Variants in CCNF observed in about 807,000 individuals in gnomAD.
CCNF encodes cyclin-F.
Under a neutral mutation model 85.4 loss-of-function variants are expected in CCNF, and 30 were observed. The observed-to-expected ratio is 0.35, with a 90% CI of 0.26 to 0.48. The LOEUF (loss-of-function observed/expected upper bound fraction) is 0.48, where lower values mean the gene tolerates loss of function less well. CCNF is among the 20% of genes least tolerant of loss of function. The pLI is 0.99. For synonymous variants in CCNF, 439 were observed against 425.1 expected (o/e 1.03, Z -0.40); for missense variants, 919 against 1,010.4 (o/e 0.91, Z 1.23).
chr16:2,438,815 G>T (rs2065305707), intron 6 of CCNF, among the ~76,000 whole-genome samples: 1 of 151,452 alleles, frequency 6.6e-6, no homozygotes, highest in South Asian at 2.1e-4. Flanking sequence ...TGGCCAATGT[G>T]TTGAAACCAC....
intron 3 of CCNF, among the ~76,000 whole-genome samples, 161 bp downstream of exon 3, chr16:2,433,228 C>T (rs1005098140): frequency 6.6e-6 from 1 of 152,198 alleles, no homozygotes; most frequent in Non-Finnish European, 1.5e-5. Flanking sequence ...AGACCTCACG[C>T]ATCAGGCCGC....
Position 2,452,579 on chromosome 16 carries a change from T to C in CCNF, c.1488-631T>C, listed in dbSNP as rs1370779436. 1 of 152,438 alleles carries C rather than the reference T, an allele frequency of 6.6e-6. No individual in the cohort carries two copies. The highest frequency in any genetic ancestry group is 6.5e-5 in the Admixed American group (1 of 15,302). 9.4% of individuals were successfully genotyped at this position (152,438 alleles called of 1,614,324 possible). ...ATTTAGAAACTACACTTCCTTTGAT[T>C]GTGTGATTTAACGGGCTTTTATTCA... On this transcript the variant is annotated intron_variant, in intron 13 of 16. Coordinates refer to ENST00000397066, the MANE Select transcript of CCNF (RefSeq NM_001761.3). The surrounding 1 kb of genome is among the most constrained non-coding windows in gnomAD (Gnocchi z 4.1).
rs536237460 is a variant in CCNF at position 2,438,403 on chromosome 16, C to G, written c.594+280C>G. Among the ~76,000 whole-genome samples the G allele has an allele frequency of 2.0e-5, 3 of 152,276 alleles. No individual in the cohort carries two copies. The South Asian group carries it at 6.2e-4, about 32-fold the overall frequency. On this transcript the variant is annotated intron_variant, in intron 6 of 16. Transcript: ENST00000397066. ...ACCTCGATGCTCACTCGTCTGCTGGCCCTGCTCCTCGTGGGCCTCTCCTGC... is the reference window on the plus strand; with the variant it reads ...ACCTCGATGCTCACTCGTCTGCTGGGCCTGCTCCTCGTGGGCCTCTCCTGC...
chr16:2,454,919 G>GT, intron 15 of CCNF, among the ~76,000 whole-genome samples: 1 of 152,242 alleles, frequency 6.6e-6, no homozygotes, highest in South Asian at 2.1e-4. Flanking sequence ...AATTAGCTGG[G>GT]TGTGATGGCG....
intron 5 of CCNF, 63 bp from the exon 6 acceptor site, chr16:2,438,007 G>T (rs2065300687): frequency 8.9e-7 from 1 of 1,120,476 alleles, no homozygotes; most frequent in Non-Finnish European, 1.4e-6. Flanking sequence ...ACAGACAAGG[G>T]AGTGGTGGCC....
chr16:2,448,553 C>T (rs1391404573), intron 10 of CCNF, among the ~76,000 whole-genome samples: 3 of 152,202 alleles, frequency 2.0e-5, no homozygotes, highest in Admixed American at 6.5e-5. Context: ...ACTATAGGCA[C>T]GTGCCACCAT....
At chr16:2,446,273 C>T (rs914894808) in intron 10 of CCNF, among the ~76,000 whole-genome samples, 13 of 151,980 alleles carry the variant, frequency 8.6e-5, no homozygotes, top group African/African-American at 2.7e-4. Context: ...AGCAGGATGA[C>T]TGATCAGGGA....
chr16:2,448,797 G>C, intron 10 of CCNF, 58 bp from the exon 11 acceptor site: 1 of 1,566,820 alleles, frequency 6.4e-7, no homozygotes, highest in Middle Eastern at 1.7e-4. Context: ...GGGTCCCTCC[G>C]CCCCACCCCT....
Position 2,451,212 on chromosome 16 carries a change from C to T in CCNF, c.1487+1297C>T, listed in dbSNP as rs995076715. ...AGAGGTCAGGTCGTGACGAGAGAAA[C>T]AGCAGGCAGGCGCGCGGGGCAGGTG... On this transcript the variant is annotated intron_variant, in intron 13 of 16. Transcript: ENST00000397066. The surrounding 1 kb of genome is among the most constrained non-coding windows in gnomAD (Gnocchi z 4.3). Among the ~76,000 whole-genome samples, 1 of 152,222 alleles carries T rather than the reference C, an allele frequency of 6.6e-6. No homozygotes were observed. Among genetic ancestry groups the T allele is most frequent in the African/African-American group, 2.4e-5 (1 of 41,454 alleles).
At chr16:2,454,737 G>A (rs953929483) in intron 15 of CCNF, among the ~76,000 whole-genome samples, 5 of 152,184 alleles carry the variant, frequency 3.3e-5, no homozygotes, top group East Asian at 1.9e-4. Context: ...GCCTGGCGCC[G>A]GGCTAAGCAC....
chr16:2,447,562 C>A (rs1404118262), intron 10 of CCNF, among the ~76,000 whole-genome samples: 1 of 151,790 alleles, frequency 6.6e-6, no homozygotes, highest in Non-Finnish European at 1.5e-5. Context: ...GCAGCCTGGG[C>A]AATGGCGCAA....
At chr16:2,444,806 A>G (rs1242227930) in intron 9 of CCNF, among the ~76,000 whole-genome samples, 1 of 152,060 alleles carries the variant, frequency 6.6e-6, no homozygotes, top group African/African-American at 2.4e-5. Flanking sequence ...TATGTTGCCC[A>G]GGCTAGTCTT....
At chr16:2,450,237 C>T (rs1396035197) in intron 13 of CCNF, among the ~76,000 whole-genome samples, 5 of 147,280 alleles carry the variant, frequency 3.4e-5, no homozygotes, top group Admixed American at 2.0e-4. Context: ...TGGTGGCTCA[C>T]ACCTGTAATC....
rs371643212 is a variant in CCNF at position 2,439,570 on chromosome 16, G to A, written c.699+113G>A. On this transcript the variant is annotated intron_variant, in intron 7 of 16. Transcript: ENST00000397066. ...AAGGGAGGTGGCTCTTGCTGCTCCC[G>A]GTCTCTCAGCCTCCGGGAACCACTG... 162 of 929,306 alleles carry A rather than the reference G, an allele frequency of 1.7e-4. 1 individual carries two copies. The East Asian group carries it at 2.3e-3, about 13-fold the overall frequency. 57.6% of individuals were successfully genotyped at this position (929,306 alleles called of 1,614,324 possible).
chr16:2,447,888 C>A (rs1161873289), intron 10 of CCNF, among the ~76,000 whole-genome samples: 1 of 152,166 alleles, frequency 6.6e-6, no homozygotes, highest in Admixed American at 6.5e-5. Context: ...GCGTCTGCAG[C>A]CCCCACGCTG....
intron 8 of CCNF, among the ~76,000 whole-genome samples, 165 bp from the exon 9 acceptor site, chr16:2,443,484 A>G (rs1332750213): frequency 1.3e-5 from 2 of 152,156 alleles, no homozygotes; most frequent in Admixed American, 6.6e-5. Flanking sequence ...AAAAGGAATA[A>G]TAATTAAAAC....
In CCNF at chr16:2,449,369, G is replaced by A. The variant is rs756058100; in HGVS notation, c.1306G>A (p.Glu436Lys). 5 of 1,613,326 alleles carry A rather than the reference G, an allele frequency of 3.1e-6. No individual in the cohort carries two copies. Among genetic ancestry groups the A allele is most frequent in the Admixed American group, 1.7e-5 (1 of 60,026 alleles). ...CCAGCACCTGTGCAGCTTCCTCTGC[G>A]AGCTCTCCCTGCTGCACACCAGCCT... ...RTQHLCSFLC[E>K]LSLLHTSLSA... The change falls in exon 12 of 17, where the codon GAG (glutamate) becomes AAG (lysine). Residue 436 changes from glutamate (E) to lysine (K), a missense_variant. Transcript: ENST00000397066.
intron 12 of CCNF, 149 bp downstream of exon 12, chr16:2,449,611 C>A: frequency 2.4e-6 from 2 of 839,550 alleles, no homozygotes; most frequent in Non-Finnish European, 1.8e-6. Context: ...TCAGTGATGT[C>A]CCAGATTTCT....
chr16:2,432,303 CTAGAG>C (rs2141813265), intron 2 of CCNF, among the ~76,000 whole-genome samples: 1 of 152,192 alleles, frequency 6.6e-6, no homozygotes, highest in East Asian at 1.9e-4. Context: ...GTGACTTAAC[CTAGAG>C]TATATAGTGG....
Sources: allele counts gnomAD v4.1 joint callset (sites outside exome capture counted in the v4.1 genomes callset), GRCh38; gene constraint gnomAD v4.1.1; non-coding constraint Gnocchi (gnomAD v3.1); transcripts MANE v1.5; gene names NCBI Gene and HGNC (gene_info 2026-07-23, HGNC 2026-07-21).